LRBA: variants seen among roughly 807,000 people sequenced by gnomAD.
The protein encoded by LRBA is LPS responsive beige-like anchor protein.
A neutral mutation model predicts 330.0 loss-of-function variants in LRBA; 176 were observed. The observed-to-expected ratio is 0.53, with a 90% CI of 0.47 to 0.60. The LOEUF (loss-of-function observed/expected upper bound fraction) is 0.60. Among genes scored for constraint, LRBA ranks in the 20% least tolerant of loss-of-function variants. The probability of loss-of-function intolerance (pLI) is 0.00; values close to 1 mark genes in which losing one functional copy is unlikely to be tolerated. For synonymous variants in LRBA, 1,230 were observed against 1,193.0 expected, an observed-to-expected ratio of 1.03 and a Z score of -0.64; for missense variants, 3,259 against 3,444.8, an observed-to-expected ratio of 0.95 and a Z score of 1.35.
intron 40 of LRBA, among the ~76,000 whole-genome samples, chr4:150,516,186 G>C (rs1244311785): frequency 2.2e-5 from 3 of 139,210 alleles, no homozygotes; most frequent in Non-Finnish European, 3.1e-5. Flanking sequence ...TAAAACATTA[G>C]ACTGTAATTC....
intron 36 of LRBA, among the ~76,000 whole-genome samples, chr4:150,716,745 T>C (rs1263310756): frequency 6.6e-6 from 1 of 152,162 alleles, no homozygotes; most frequent in Non-Finnish European, 1.5e-5. Flanking sequence ...CACTAAAATA[T>C]GTAATTGTTA....
chr4:150,899,974 CT>C, intron 14 of LRBA, 74 bp downstream of exon 14: 2 of 1,140,426 alleles, frequency 1.8e-6, no homozygotes, highest in Non-Finnish European at 2.5e-6. Context: ...TATGATAGTA[CT>C]GGTTAAAACA....
intron 46 of LRBA, among the ~76,000 whole-genome samples, chr4:150,427,890 T>C (rs1361252190): frequency 6.6e-6 from 1 of 151,972 alleles, no homozygotes; most frequent in Non-Finnish European, 1.5e-5. Flanking sequence ...TCAGCATCCA[T>C]GGAATGTATT....
At position 150,265,494 on chromosome 4, in the gene LRBA, A is replaced by AAAAT; in HGVS notation, c.*224_*227dup. The AAAAT allele has an allele frequency of 2.5e-6, 1 of 398,130 alleles. No homozygotes were observed. The allele number at this position is 398,130 out of a possible 1,614,324, so 24.7% of individuals were successfully genotyped here. On this transcript the variant is annotated 3_prime_UTR_variant, in exon 57 of 57. Coordinates refer to ENST00000651943, the MANE Select transcript of LRBA (RefSeq NM_001364905.1). ...GAAAATAGACTTCTCATTATGACTA[A>AAAAT]AAATATAGATTTTTTAAAACTACAG...
chr4:150,955,946 T>G (rs576174192), intron 2 of LRBA, among the ~76,000 whole-genome samples: 2 of 148,752 alleles, frequency 1.3e-5, no homozygotes, highest in African/African-American at 2.6e-5. Flanking sequence ...AAGAAGCGCA[T>G]AGTAAACCTA....
At chr4:150,347,675 G>A (rs929639881) in intron 48 of LRBA, among the ~76,000 whole-genome samples, 1 of 150,392 alleles carries the variant, frequency 6.6e-6, no homozygotes, top group Admixed American at 6.6e-5. Flanking sequence ...AGGTAAAAAT[G>A]TTCAATTTTA....
At chr4:150,490,590 CT>C (rs1758789936) in intron 41 of LRBA, among the ~76,000 whole-genome samples, 1 of 151,814 alleles carries the variant, frequency 6.6e-6, no homozygotes, top group African/African-American at 2.4e-5. Flanking sequence ...ATGCAGCCAC[CT>C]TCCAGAAGGA....
rs192613574 is a variant in LRBA at position 150,724,648 on chromosome 4, T to C, written c.5754+10610A>G. 1.9e-3 allele frequency among the ~76,000 whole-genome samples: 289 copies of C among 152,106 alleles called. 2 individuals are homozygous for C. In the Middle Eastern group the frequency reaches 0.02, roughly 11 times the overall value. ...GACAACTAAGATAGTTAATTCAAAA[T>C]AGCTGTTTTGAGGCAACTCAAAGAA... On this transcript the variant is annotated intron_variant, in intron 36 of 56. Transcript: ENST00000651943.
At chr4:150,990,916 G>A (rs1741997692) in intron 2 of LRBA, among the ~76,000 whole-genome samples, 1 of 152,046 alleles carries the variant, frequency 6.6e-6, no homozygotes, top group African/African-American at 2.4e-5. Context: ...CTACTCAGGA[G>A]GCTGAGAGGC....
chr4:150,971,727 T>C (rs1286903336), intron 2 of LRBA, among the ~76,000 whole-genome samples: 1 of 152,152 alleles, frequency 6.6e-6, no homozygotes, highest in Non-Finnish European at 1.5e-5. Flanking sequence ...AAATGAAACA[T>C]TAAGAGCTCT....
chr4:150,302,811 T>G lies in LRBA; in HGVS notation c.7850-19A>C, dbSNP rs1729844673. On this transcript the variant is annotated intron_variant, in intron 52 of 56. Coordinates refer to ENST00000651943, the MANE Select transcript of LRBA (RefSeq NM_001364905.1). ...AATCTTCCTGTAATGCAAAACAATT[T>G]TCTTTAAAAATGCTATTAAAAAAAT... is the stretch of plus-strand genomic sequence containing the variant. 1 of 1,542,818 alleles carries G rather than the reference T, an allele frequency of 6.5e-7. No homozygotes were observed. Among genetic ancestry groups the G allele is most frequent in the Non-Finnish European group, 8.7e-7 (1 of 1,144,460 alleles).
At chr4:150,603,404 CG>C (rs1774312622) in intron 37 of LRBA, among the ~76,000 whole-genome samples, 1 of 152,124 alleles carries the variant, frequency 6.6e-6, no homozygotes, top group Admixed American at 6.5e-5. Flanking sequence ...AAAACTTTCA[CG>C]TTATGTGTTT....
Position 150,590,699 on chromosome 4 carries a change from A to AC in LRBA, c.6193+13dup. 1 of 1,612,194 alleles carries AC rather than the reference A, an allele frequency of 6.2e-7. No homozygotes were observed. Among genetic ancestry groups the AC allele is most frequent in the Non-Finnish European group, 8.5e-7 (1 of 1,179,142 alleles). On this transcript the variant is annotated intron_variant, in intron 39 of 56. Transcript: ENST00000651943. The stretch of plus-strand genomic sequence containing the variant: ...CAGAGGTAGCTGAAATATCTGCACA[A>AC]CCACCAAATTTACCGGCAAGATTCT...
intron 5 of LRBA, among the ~76,000 whole-genome samples, chr4:150,920,720 T>A (rs976679574): frequency 5.9e-5 from 9 of 152,168 alleles, no homozygotes; most frequent in Admixed American, 5.9e-4. Flanking sequence ...ATAAACTGAT[T>A]AACGGCTTAC....
chr4:150,532,806 A>T (rs1764187850), intron 40 of LRBA, among the ~76,000 whole-genome samples: 1 of 152,134 alleles, frequency 6.6e-6, no homozygotes, highest in Non-Finnish European at 1.5e-5. Context: ...AGAGTTTTCA[A>T]AAGAAAAAAG....
intron 37 of LRBA, among the ~76,000 whole-genome samples, chr4:150,621,938 C>T (rs536994556): frequency 6.6e-6 from 1 of 152,278 alleles, no homozygotes; most frequent in South Asian, 2.1e-4. Context: ...TACATGGAAA[C>T]CAAAACAGTT....
chr4:150,570,254 C>A (rs1369304246), intron 40 of LRBA, among the ~76,000 whole-genome samples: 1 of 151,732 alleles, frequency 6.6e-6, no homozygotes, highest in African/African-American at 2.4e-5. Flanking sequence ...TTTTGGAGAA[C>A]AATAGGGGGC....
At chr4:150,866,730 TAGTC>T (rs1752738107) in intron 22 of LRBA, among the ~76,000 whole-genome samples, 1 of 152,102 alleles carries the variant, frequency 6.6e-6, no homozygotes, top group Non-Finnish European at 1.5e-5. Flanking sequence ...GGTAAATAAA[TAGTC>T]ATGTCATGCA....
intron 17 of LRBA, among the ~76,000 whole-genome samples, chr4:150,879,495 T>C (rs1192309172): frequency 6.6e-6 from 1 of 152,006 alleles, no homozygotes; most frequent in Non-Finnish European, 1.5e-5. Flanking sequence ...TTATTCAACA[T>C]AGCACTGGAA....
Sources: gnomAD v4.1 joint callset for allele counts (sites outside exome capture counted in the v4.1 genomes callset) on GRCh38, gnomAD v4.1.1 for gene constraint, MANE v1.5 for transcripts, NCBI Gene and HGNC (gene_info 2026-07-23, HGNC 2026-07-21) for gene names.